The following PRKDC variants were observed in gnomAD, a reference collection of about 807,000 sequenced individuals.
PRKDC encodes the protein protein kinase, DNA-activated, catalytic subunit.
Under a neutral mutation model 486.9 loss-of-function variants are expected in PRKDC, and 82 were observed. That is an observed-to-expected ratio of 0.17 (90% CI 0.14 to 0.20). The LOEUF is 0.20. PRKDC is among the 10% of genes least tolerant of loss of function. The probability of loss-of-function intolerance (pLI) is 1.00; values close to 1 mark genes in which losing one functional copy is unlikely to be tolerated. For missense variants in PRKDC, 4,504 were observed against 5,038.2 expected, an observed-to-expected ratio of 0.89 and a Z score of 3.21; for synonymous variants, 1,895 against 1,837.0, an observed-to-expected ratio of 1.03 and a Z score of -0.81.
intron 15 of PRKDC, 72 bp from the exon 16 acceptor site, chr8:47,933,244 A>G: frequency 8.3e-7 from 1 of 1,204,124 alleles, no homozygotes; most frequent in Non-Finnish European, 1.1e-6. Context: ...AAGCATTAAG[A>G]CACATACACA....
Position 47,889,175 on chromosome 8 carries a change from C to A in PRKDC, c.4119G>T (p.Val1373=). The A allele has an allele frequency of 6.2e-7, 1 of 1,613,822 alleles. No individual in the cohort carries two copies. The highest frequency in any genetic ancestry group is 1.7e-4 in the Middle Eastern group (1 of 5,952). The part of the protein sequence containing the change: ...LCNTHLMRVL[V]QTLCEPASIG... Reference sequence around the variant, plus strand: ...TGCTTGCGGGCTCACACAGCGTCTGCACCAGGACTCTCATCAGGTGTGTAT... The same window carrying A: ...TGCTTGCGGGCTCACACAGCGTCTGAACCAGGACTCTCATCAGGTGTGTAT... Residue 1373 remains valine (V), a synonymous_variant, in exon 33 of 86, where the codon GTG becomes GTT. Transcript: ENST00000314191.
intron 58 of PRKDC, among the ~76,000 whole-genome samples, chr8:47,834,784 G>A (rs1299481566): frequency 6.9e-5 from 10 of 144,924 alleles, no homozygotes; most frequent in African/African-American, 1.1e-4. Context: ...TCCGCCTCCC[G>A]GGTTCACGCC....
intron 69 of PRKDC, among the ~76,000 whole-genome samples, 167 bp from the exon 70 acceptor site, chr8:47,803,647 A>G (rs1301410547): frequency 6.6e-6 from 1 of 152,170 alleles, no homozygotes; most frequent in Non-Finnish European, 1.5e-5. Flanking sequence ...GATATAATTC[A>G]TATTTAAAGA....
chr8:47,812,668 C>T lies in PRKDC; in HGVS notation c.9557+4782G>A, dbSNP rs145268932. ...AGAAAAGGTATAAAATCAACAGTTT[C>T]CACCTAAAGAAACTAGAAAAAGAAA... On this transcript the variant is annotated intron_variant, in intron 68 of 85. Coordinates refer to ENST00000314191, the MANE Select transcript of PRKDC (RefSeq NM_006904.7). Among the ~76,000 whole-genome samples, 39 of 151,830 alleles carry T rather than the reference C, an allele frequency of 2.6e-4. 1 individual carries two copies. The highest frequency in any genetic ancestry group is 4.4e-4 in the Non-Finnish European group (30 of 67,954).
chr8:47,808,620 G>C (rs900248774), intron 68 of PRKDC, among the ~76,000 whole-genome samples: 1 of 151,896 alleles, frequency 6.6e-6, no homozygotes, highest in Non-Finnish European at 1.5e-5. Flanking sequence ...AACAATAGGC[G>C]TGTGCCACCA....
intron 22 of PRKDC, among the ~76,000 whole-genome samples, chr8:47,916,672 C>A (rs1278952878): frequency 6.6e-6 from 1 of 152,142 alleles, no homozygotes; most frequent in Non-Finnish European, 1.5e-5. Context: ...ATTGTGTCCA[C>A]AAAGCAGTGG....
intron 70 of PRKDC, 27 bp downstream of exon 70, chr8:47,803,279 A>G (rs756120695): frequency 1.0e-5 from 16 of 1,583,858 alleles, no homozygotes; most frequent in Middle Eastern, 1.7e-4. Context: ...CCTTTAAGAT[A>G]TAAGTGGATA....
At chr8:47,905,074 A>T in intron 25 of PRKDC, 98 bp from the exon 26 acceptor site, 2 of 838,364 alleles carry the variant, frequency 2.4e-6, no homozygotes, top group Non-Finnish European at 3.8e-6. Flanking sequence ...TATAAAATTA[A>T]GTAATACTAC....
chr8:47,817,544 C>G lies in PRKDC; in HGVS notation c.9463G>C (p.Val3155Leu). ...ISKQGNLSSQ[V>L]PLKRLLNTWT... ...GTGTTCAGAAGTCTCTTAAGGGGAA[C>G]TTGAGATGATAAATTGCCTAAAAAT... The change falls in exon 68 of 86, where the codon GTT becomes CTT. Residue 3155 changes from valine (V) to leucine (L), a missense_variant. Val to Leu is a conservative substitution (Grantham distance 32). Coordinates refer to ENST00000314191, the MANE Select transcript of PRKDC (RefSeq NM_006904.7). The G allele has an allele frequency of 6.2e-7, 1 of 1,600,538 alleles. No individual in the cohort carries two copies. The highest frequency in any genetic ancestry group is 8.5e-7 in the Non-Finnish European group (1 of 1,172,086).
Position 47,828,287 on chromosome 8 carries a change from T to A in PRKDC, c.8458A>T (p.Met2820Leu). 1.9e-6 allele frequency: 3 copies of A among 1,606,792 alleles called. No homozygotes were observed. Among genetic ancestry groups the A allele is most frequent in the Non-Finnish European group, 1.7e-6 (2 of 1,176,718 alleles). Residue 2820 changes from methionine to leucine, a missense_variant, in exon 62 of 86, where the codon ATG (methionine) becomes TTG (leucine). Physicochemically the swap from Met to Leu is conservative, Grantham distance 15. Around this residue, in one of 6 missense-constraint regions of PRKDC, gnomAD observed 1,592 missense variants for 1,724.6 expected, o/e 0.92. Coordinates refer to ENST00000314191, the MANE Select transcript of PRKDC (RefSeq NM_006904.7). Reference protein sequence around the residue: ...SSLFSGILKEMDKFKTLSEKN... With the variant: ...SSLFSGILKELDKFKTLSEKN... Reference sequence around the variant, plus strand: ...TCAGACAGTGTCTTAAATTTATCCATCTCTTTCAAAATTCCAGAAAACAAG... The same window carrying A: ...TCAGACAGTGTCTTAAATTTATCCAACTCTTTCAAAATTCCAGAAAACAAG...
At chr8:47,861,849 CAT>C (rs1373217140) in intron 44 of PRKDC, among the ~76,000 whole-genome samples, 2 of 152,224 alleles carry the variant, frequency 1.3e-5, no homozygotes, top group Admixed American at 6.5e-5. Context: ...CTTTCCTACA[CAT>C]GTCAAGAGAT....
chr8:47,862,638 C>G, intron 42 of PRKDC, 97 bp from the exon 43 acceptor site: 1 of 1,239,524 alleles, frequency 8.1e-7, no homozygotes, highest in Non-Finnish European at 1.1e-6. Context: ...GCCATTCAGC[C>G]TTTCTCGAGG....
chr8:47,935,077 A>G lies in PRKDC; in HGVS notation c.1448-19T>C, dbSNP rs1191806935. ...TGATGCACTGAAAAAAGAAAAAGAA[A>G]ACAAAAATGAAGGAAACACTGAAAA... On this transcript the variant is annotated intron_variant, in intron 13 of 85. Coordinates refer to ENST00000314191, the MANE Select transcript of PRKDC (RefSeq NM_006904.7). 5 of 1,453,178 alleles carry G rather than the reference A, an allele frequency of 3.4e-6. No homozygotes were observed. Among genetic ancestry groups the G allele is most frequent in the Non-Finnish European group, 4.6e-6 (5 of 1,079,820 alleles). The allele number at this position is 1,453,178 out of a possible 1,614,324, so 90.0% of individuals were successfully genotyped here.
intron 36 of PRKDC, among the ~76,000 whole-genome samples, chr8:47,885,451 C>T (rs781489570): frequency 1.3e-5 from 2 of 152,128 alleles, no homozygotes; most frequent in East Asian, 3.9e-4. Context: ...CCATGCCTGG[C>T]CTAATATTCA....
intron 54 of PRKDC, among the ~76,000 whole-genome samples, chr8:47,848,795 G>A (rs1319378184): frequency 3.3e-5 from 5 of 152,058 alleles, no homozygotes; most frequent in Admixed American, 3.3e-4. Flanking sequence ...GAAAATAAAT[G>A]AACAATTTAA....
In PRKDC at chr8:47,933,139, C is replaced by A; in HGVS notation, c.1657G>T (p.Val553Leu). 1 of 1,548,536 alleles carries A rather than the reference C, an allele frequency of 6.5e-7. No homozygotes were observed. ...SILADEAFFS[V>L]NSSSESLNHL... is the part of the protein sequence containing the mutation. ...TTCAGACTTTCACTGGAGGAATTCA[C>A]AGAGAAAAATGCTTCATCTGCTAAA... Residue 553 changes from valine to leucine, a missense_variant, in exon 16 of 86, where the codon GTG becomes TTG. Val to Leu is a conservative substitution (Grantham distance 32). Around this residue, in one of 6 missense-constraint regions of PRKDC, gnomAD observed 1,969 missense variants for 2,068.9 expected, o/e 0.95. Transcript: ENST00000314191.
At chr8:47,905,351 A>G (rs2089759610) in intron 25 of PRKDC, among the ~76,000 whole-genome samples, 1 of 152,134 alleles carries the variant, frequency 6.6e-6, no homozygotes, top group Non-Finnish European at 1.5e-5. Context: ...TTTTCCAGTT[A>G]AATTCCATGA....
At chr8:47,803,212 A>T in intron 70 of PRKDC, 94 bp downstream of exon 70, 4 of 1,234,780 alleles carry the variant, frequency 3.2e-6, no homozygotes, top group Non-Finnish European at 4.4e-6. Context: ...TTACCTCCCA[A>T]ATGTCAGATG....
At chr8:47,864,788 T>C (rs2088768313) in intron 40 of PRKDC, 25 bp from the exon 41 acceptor site, 1 of 1,513,872 alleles carries the variant, frequency 6.6e-7, no homozygotes, top group Non-Finnish European at 8.9e-7. Context: ...TAAAATTATA[T>C]GAACATCCCT....
Sources: allele counts gnomAD v4.1 joint callset (sites outside exome capture counted in the v4.1 genomes callset), GRCh38; gene constraint gnomAD v4.1.1; regional missense constraint gnomAD v4.1.1; transcripts MANE v1.5; gene names NCBI Gene and HGNC (gene_info 2026-07-23, HGNC 2026-07-21).